Variants in HDAC4 observed in about 807,000 individuals in gnomAD.
HDAC4 encodes the protein histone deacetylase A.
Under a neutral mutation model 135.1 loss-of-function variants are expected in HDAC4, and 16 were observed. The observed-to-expected ratio is 0.12, with a 90% CI of 0.08 to 0.18. The LOEUF is 0.18. Ranked by LOEUF, HDAC4 falls within the 10% of genes least tolerant of loss-of-function variation. The pLI, the probability that HDAC4 is intolerant of heterozygous loss-of-function variation, is 1.00. For missense variants in HDAC4, 1,143 were observed against 1,511.8 expected (o/e 0.76, Z 4.05); for synonymous variants, 685 against 653.4 (o/e 1.05, Z -0.74).
intron 12 of HDAC4, among the ~76,000 whole-genome samples, chr2:239,124,881 G>A (rs1186044570): frequency 4.2e-5 from 6 of 143,914 alleles, no homozygotes; most frequent in African/African-American, 1.0e-4. Flanking sequence ...GTGTGGCCGC[G>A]TTATATGACA....
At chr2:239,109,256 C>T (rs770712568) in intron 14 of HDAC4, among the ~76,000 whole-genome samples, 5 of 152,238 alleles carry the variant, frequency 3.3e-5, no homozygotes, top group Non-Finnish European at 5.9e-5. Flanking sequence ...GCCAGGGGCA[C>T]CTGTGCTAAT....
chr2:239,128,908 G>C (rs1043940952), intron 11 of HDAC4, among the ~76,000 whole-genome samples: 1 of 152,148 alleles, frequency 6.6e-6, no homozygotes, highest in East Asian at 1.9e-4. Context: ...GGTGTGAGTG[G>C]GGGCTACACA....
chr2:239,053,892 C>T (rs937602518), intron 25 of HDAC4, among the ~76,000 whole-genome samples: 9 of 152,096 alleles, frequency 5.9e-5, no homozygotes, highest in Admixed American at 3.3e-4. Context: ...TTTCCACGCT[C>T]ACGGGCCCCT....
At chr2:239,136,395 G>A (rs1046869843) in intron 9 of HDAC4, among the ~76,000 whole-genome samples, 11 of 152,178 alleles carry the variant, frequency 7.2e-5, no homozygotes, top group Admixed American at 5.9e-4. Context: ...TGGCTGCATG[G>A]TATTCCACTG....
At chr2:239,130,740 G>C (rs949052712) in intron 11 of HDAC4, among the ~76,000 whole-genome samples, 1 of 152,176 alleles carries the variant, frequency 6.6e-6, no homozygotes, top group African/African-American at 2.4e-5. Context: ...GCACAGCCCT[G>C]GTCTCCAGCC....
At chr2:239,350,292 T>A (rs1263901177) in intron 2 of HDAC4, among the ~76,000 whole-genome samples, 1 of 151,818 alleles carries the variant, frequency 6.6e-6, no homozygotes. Context: ...AACACTGAAC[T>A]ATATAAAGCA....
At chr2:239,129,083 C>T (rs1288352082) in intron 11 of HDAC4, among the ~76,000 whole-genome samples, 4 of 152,134 alleles carry the variant, frequency 2.6e-5, no homozygotes, top group East Asian at 1.9e-4. Context: ...CTGTGCAGAC[C>T]GGCCCTGTTC....
At chr2:239,260,203 T>TGAC (rs1258414771) in intron 2 of HDAC4, among the ~76,000 whole-genome samples, 1 of 152,216 alleles carries the variant, frequency 6.6e-6, no homozygotes, top group African/African-American at 2.4e-5. Context: ...AGGCGCCCTG[T>TGAC]GACGACTCTC....
At chr2:239,095,133 G>T in intron 16 of HDAC4, 77 bp from the exon 17 acceptor site, 1 of 1,499,882 alleles carries the variant, frequency 6.7e-7, no homozygotes, top group South Asian at 1.1e-5. Flanking sequence ...GGCGCACTCC[G>T]GGGTCTTCAG....
chr2:239,158,621 C>T (rs893401336), intron 6 of HDAC4, among the ~76,000 whole-genome samples: 2 of 152,056 alleles, frequency 1.3e-5, no homozygotes, highest in African/African-American at 2.4e-5. Context: ...CGCCTCCCCG[C>T]TGGACCACCT....
rs967060610 is a variant in HDAC4 at position 239,139,886 on chromosome 2, G to T, written c.866-90C>A. 3 of 994,366 alleles carry T rather than the reference G, an allele frequency of 3.0e-6. No individual in the cohort carries two copies. Among genetic ancestry groups the T allele is most frequent in the Non-Finnish European group, 4.8e-6 (3 of 629,742 alleles). The allele number at this position is 994,366 out of a possible 1,614,324, so 61.6% of individuals were successfully genotyped here. ...GGCCCGAATGCCCGGTGCCTTCCAC[G>T]GACCTGCTCGTTAGCTTGCGACAGG... On this transcript the variant is annotated intron_variant, in intron 8 of 26. Transcript: ENST00000543185. This position sits in a 1 kb window ranked among gnomAD's most constrained non-coding sequence, Gnocchi z 5.3.
intron 1 of HDAC4, among the ~76,000 whole-genome samples, chr2:239,386,634 A>G (rs1004242621): frequency 2.0e-5 from 3 of 152,202 alleles, no homozygotes; most frequent in Non-Finnish European, 4.4e-5. Flanking sequence ...AATGTAATGC[A>G]CTGTAAGGAA....
At chr2:239,113,851 C>T (rs1402700087) in intron 13 of HDAC4, among the ~76,000 whole-genome samples, 3 of 152,092 alleles carry the variant, frequency 2.0e-5, no homozygotes, top group Non-Finnish European at 2.9e-5. Flanking sequence ...CTTTGCCAAG[C>T]GTTAGTTCTG....
intron 3 of HDAC4, among the ~76,000 whole-genome samples, chr2:239,224,332 A>G (rs556750591): frequency 6.6e-6 from 1 of 152,224 alleles, no homozygotes; most frequent in Non-Finnish European, 1.5e-5. Context: ...TGCTCCTCCG[A>G]TGCCTGTCCC....
chr2:239,112,406 C>G (rs1377429992), intron 13 of HDAC4, among the ~76,000 whole-genome samples: 1 of 152,242 alleles, frequency 6.6e-6, no homozygotes, highest in East Asian at 1.9e-4. Context: ...GCTCCCCTCC[C>G]TGGTCTCACA....
chr2:239,253,879 G>A (rs899575043), intron 2 of HDAC4, among the ~76,000 whole-genome samples: 1 of 152,166 alleles, frequency 6.6e-6, no homozygotes, highest in African/African-American at 2.4e-5. Context: ...GGGCAGGAGA[G>A]GTGGCCATGA....
chr2:239,352,560 C>T lies in HDAC4; in HGVS notation c.22+118G>A. On this transcript the variant is annotated intron_variant, in intron 2 of 26. Coordinates refer to ENST00000543185, the MANE Select transcript of HDAC4 (RefSeq NM_001378414.1). This position sits in a 1 kb window ranked among gnomAD's most constrained non-coding sequence, Gnocchi z 4.4. ...TTGTGCTGTCAAAAACCAACAGTGA[C>T]CACTATCAAGAAAAACAAAAGTCTC... is the stretch of plus-strand genomic sequence containing the variant. The T allele has an allele frequency of 1.1e-6, 1 of 940,812 alleles. No individual in the cohort carries two copies. Among genetic ancestry groups the T allele is most frequent in the Non-Finnish European group, 1.7e-6 (1 of 591,404 alleles). The allele number at this position is 940,812 out of a possible 1,614,324, so 58.3% of individuals were successfully genotyped here.
At chr2:239,227,651 G>A (rs987846804) in intron 3 of HDAC4, among the ~76,000 whole-genome samples, 15 of 152,156 alleles carry the variant, frequency 9.9e-5, no homozygotes, top group East Asian at 1.9e-4. Flanking sequence ...CGGAAGGAGC[G>A]GGAGGCAGCC....
chr2:239,132,206 C>A (rs921069232), intron 11 of HDAC4, among the ~76,000 whole-genome samples: 2 of 152,320 alleles, frequency 1.3e-5, no homozygotes, highest in East Asian at 1.9e-4. Context: ...ATCAGGCTCA[C>A]GGGGGCGGAC....
Sources: gnomAD v4.1 joint callset for allele counts (sites outside exome capture counted in the v4.1 genomes callset) on GRCh38, gnomAD v4.1.1 for gene constraint, Gnocchi (gnomAD v3.1) non-coding constraint, MANE v1.5 for transcripts, NCBI Gene and HGNC (gene_info 2026-07-23, HGNC 2026-07-21) for gene names.